ERBB4: variants seen among roughly 807,000 people sequenced by gnomAD.
The protein encoded by ERBB4 is erb-b2 receptor tyrosine kinase 4, also known as receptor tyrosine-protein kinase erbB-4.
A neutral mutation model predicts 158.0 loss-of-function variants in ERBB4; 42 were observed. The observed-to-expected ratio is 0.27, with a 90% CI of 0.21 to 0.34. The LOEUF (loss-of-function observed/expected upper bound fraction) is 0.34, where lower values mean the gene tolerates loss of function less well. ERBB4 is among the 10% of genes least tolerant of loss of function. The pLI, the probability that ERBB4 is intolerant of heterozygous loss-of-function variation, is 1.00. For synonymous variants in ERBB4, 583 were observed against 558.7 expected (o/e 1.04, Z -0.61); for missense variants, 1,333 against 1,624.1 (o/e 0.82, Z 3.08).
At chr2:212,242,397 C>T (rs533405685) in intron 1 of ERBB4, among the ~76,000 whole-genome samples, 1 of 152,086 alleles carries the variant, frequency 6.6e-6, no homozygotes, top group African/African-American at 2.4e-5. Flanking sequence ...TACAACTTTA[C>T]ACAGTCCCTA....
intron 2 of ERBB4, among the ~76,000 whole-genome samples, chr2:212,059,223 C>A (rs1436481729): frequency 6.6e-6 from 1 of 152,074 alleles, no homozygotes; most frequent in Non-Finnish European, 1.5e-5. Context: ...ACCTAGGAAT[C>A]CAACTTACAA....
At chr2:212,386,151 A>T (rs1244159275) in intron 1 of ERBB4, among the ~76,000 whole-genome samples, 1 of 151,676 alleles carries the variant, frequency 6.6e-6, no homozygotes, top group Non-Finnish European at 1.5e-5. Flanking sequence ...AAAAAAATAC[A>T]CTTTTTTGTA....
chr2:211,501,665 A>G (rs1389384743), intron 20 of ERBB4, among the ~76,000 whole-genome samples: 1 of 152,118 alleles, frequency 6.6e-6, no homozygotes, highest in East Asian at 1.9e-4. Context: ...CAATATCAAG[A>G]CAAAATTACA....
chr2:211,933,357 C>T (rs1038847384), intron 3 of ERBB4, among the ~76,000 whole-genome samples: 1 of 152,006 alleles, frequency 6.6e-6, no homozygotes, highest in Non-Finnish European at 1.5e-5. Context: ...AAAGATATAT[C>T]TATAGGTATG....
intron 2 of ERBB4, among the ~76,000 whole-genome samples, chr2:212,107,311 A>T (rs114273901): frequency 0.056 from 8,569 of 152,106 alleles, 409 homozygotes; most frequent in South Asian, 0.23. Context: ...GTCAAAGGAG[A>T]TCTTTTTTTT....
At chr2:211,894,383 G>T (rs2125014286) in intron 3 of ERBB4, among the ~76,000 whole-genome samples, 1 of 143,846 alleles carries the variant, frequency 7.0e-6, no homozygotes, top group Non-Finnish European at 1.5e-5. Context: ...GACACAGGAA[G>T]GGGAATATCA....
intron 14 of ERBB4, among the ~76,000 whole-genome samples, chr2:211,667,582 GT>G (rs2071678350): frequency 6.6e-6 from 1 of 152,078 alleles, no homozygotes; most frequent in Non-Finnish European, 1.5e-5. Flanking sequence ...ACTTAGGCAC[GT>G]AATATTGTCT....
chr2:211,759,664 A>G (rs999220674), intron 4 of ERBB4, among the ~76,000 whole-genome samples: 2 of 152,116 alleles, frequency 1.3e-5, no homozygotes, highest in Non-Finnish European at 2.9e-5. Context: ...GACCCACTAC[A>G]TTTAAATAGC....
chr2:211,831,011 A>AT (rs779621539), intron 3 of ERBB4, among the ~76,000 whole-genome samples: 3 of 151,920 alleles, frequency 2.0e-5, no homozygotes, highest in South Asian at 2.1e-4. Flanking sequence ...TAAAAAAATA[A>AT]TAAAAAAAAA....
At chr2:211,861,098 A>T (rs2078020160) in intron 3 of ERBB4, among the ~76,000 whole-genome samples, 1 of 30,656 alleles carries the variant, frequency 3.3e-5, no homozygotes, top group African/African-American at 1.3e-4. Flanking sequence ...ATATATAAAT[A>T]CATTATATAT....
chr2:211,964,172 G>A (rs186492800), intron 2 of ERBB4, among the ~76,000 whole-genome samples: 36 of 152,222 alleles, frequency 2.4e-4, no homozygotes, highest in Middle Eastern at 6.8e-3. Flanking sequence ...CACTCCCAGC[G>A]GTGAGGTACT....
intron 12 of ERBB4, among the ~76,000 whole-genome samples, chr2:211,680,217 TA>T (rs1265171653): frequency 6.6e-6 from 1 of 152,182 alleles, no homozygotes; most frequent in Non-Finnish European, 1.5e-5. Context: ...AATTTCCACT[TA>T]AGGCTAACCA....
chr2:211,443,814 T>C (rs1371282701), intron 20 of ERBB4, among the ~76,000 whole-genome samples: 1 of 152,108 alleles, frequency 6.6e-6, no homozygotes, highest in African/African-American at 2.4e-5. Flanking sequence ...CATAAGGTTG[T>C]TGTGAGAATT....
In ERBB4 at chr2:212,325,135, TTTTA is replaced by T. The variant is rs200732631; in HGVS notation, c.83-200236_83-200233del. On this transcript the variant is annotated intron_variant, in intron 1 of 27. Coordinates refer to ENST00000342788, the MANE Select transcript of ERBB4 (RefSeq NM_005235.3). Reference sequence around the variant, plus strand: ...ATGTATGTGTATTACATGTTAGAAATTTTATTTATTTTTTGAAGCATGCATGTTT... The same window carrying T: ...ATGTATGTGTATTACATGTTAGAAATTTTATTTTTTGAAGCATGCATGTTT... 1.5e-3 allele frequency among the ~76,000 whole-genome samples: 227 copies of T among 150,868 alleles called. 7 individuals are homozygous for T. Among genetic ancestry groups the T allele is most frequent in the Admixed American group, 0.011 (160 of 15,130 alleles).
chr2:211,867,062 T>G (rs942537267), intron 3 of ERBB4, among the ~76,000 whole-genome samples: 2 of 150,142 alleles, frequency 1.3e-5, no homozygotes, highest in Non-Finnish European at 3.0e-5. Context: ...GATCGTGTTC[T>G]TTCCAGAACT....
intron 1 of ERBB4, among the ~76,000 whole-genome samples, chr2:212,379,318 G>A (rs529455581): frequency 2.0e-5 from 3 of 151,638 alleles, no homozygotes; most frequent in Non-Finnish European, 3.0e-5. Flanking sequence ...CAAAGTAGTC[G>A]TCAATATGCC....
rs531037930 is a variant in ERBB4, at chr2:211,875,419, T to G, written c.421+72011A>C. Among the ~76,000 whole-genome samples, 82 of 152,146 alleles carry G rather than the reference T, an allele frequency of 5.4e-4. 1 individual carries two copies. The highest frequency in any genetic ancestry group is 1.1e-3 in the Non-Finnish European group (72 of 68,012). The stretch of plus-strand genomic sequence containing the variant: ...TCCCCACTTAGATGCATTCCTTTAT[T>G]TGCCCTTTTAGAATAATAATGAGCA... On this transcript the variant is annotated intron_variant, in intron 3 of 27. Coordinates refer to ENST00000342788, the MANE Select transcript of ERBB4 (RefSeq NM_005235.3).
intron 1 of ERBB4, among the ~76,000 whole-genome samples, chr2:212,227,245 A>T (rs1574474278): frequency 3.4e-4 from 3 of 8,936 alleles, no homozygotes; most frequent in African/African-American, 9.7e-4. Context: ...ACTCCACCTC[A>T]AAAAAAAAAA....
chr2:212,466,330 A>G (rs1217407321), intron 1 of ERBB4, among the ~76,000 whole-genome samples: 1 of 152,206 alleles, frequency 6.6e-6, no homozygotes, highest in African/African-American at 2.4e-5. Context: ...TATATGAAGG[A>G]CCAACTTTTG....
Sources: allele counts gnomAD v4.1 joint callset (sites outside exome capture counted in the v4.1 genomes callset), GRCh38; gene constraint gnomAD v4.1.1; transcripts MANE v1.5; gene names NCBI Gene and HGNC (gene_info 2026-07-23, HGNC 2026-07-21).